The following GLDN variants were observed in gnomAD, a reference collection of about 807,000 sequenced individuals.
GLDN encodes collomin.
GLDN carries 47 observed loss-of-function variants against 56.5 expected under a neutral mutation model. That is an observed-to-expected ratio of 0.83 (90% confidence interval 0.66 to 1.06). GLDN has a LOEUF of 1.06. Among genes scored for constraint, GLDN ranks in the 50% least tolerant of loss-of-function variants. GLDN has a pLI of 0.00. For missense variants in GLDN, 782 were observed against 714.3 expected (o/e 1.09, Z -1.08); for synonymous variants, 332 against 278.8 (o/e 1.19, Z -1.90).
intron 2 of GLDN, among the ~76,000 whole-genome samples, chr15:51,382,276 GCT>G (rs1166886285): frequency 6.6e-6 from 1 of 152,066 alleles, no homozygotes; most frequent in Non-Finnish European, 1.5e-5. Flanking sequence ...CTTCACTGTA[GCT>G]CTCTCATACT....
At chr15:51,386,399 G>A (rs753035292) in intron 4 of GLDN, among the ~76,000 whole-genome samples, 6 of 152,088 alleles carry the variant, frequency 3.9e-5, no homozygotes, top group Non-Finnish European at 7.4e-5. Context: ...CTGAGGCCCC[G>A]AGGCTGCACT....
chr15:51,386,422 C>A (rs1021501929), intron 4 of GLDN, among the ~76,000 whole-genome samples: 1 of 152,162 alleles, frequency 6.6e-6, no homozygotes, highest in Non-Finnish European at 1.5e-5. Flanking sequence ...CCCTCCTCAC[C>A]CACTCCTGAG....
At chr15:51,343,897 C>G (rs1158510494) in intron 1 of GLDN, among the ~76,000 whole-genome samples, 1 of 152,224 alleles carries the variant, frequency 6.6e-6, no homozygotes, top group Non-Finnish European at 1.5e-5. Flanking sequence ...TAGAAGTCCT[C>G]TGACCCTCAT....
chr15:51,404,207 G>A, intron 9 of GLDN, 70 bp from the exon 10 acceptor site: 1 of 1,202,796 alleles, frequency 8.3e-7, no homozygotes, highest in Non-Finnish European at 1.2e-6. Context: ...GTTTAATAGA[G>A]GAGCCTAATA....
chr15:51,406,219 A>G lies in GLDN; in HGVS notation c.*1465A>G, dbSNP rs2141142602. On this transcript the variant is annotated 3_prime_UTR_variant, in exon 10 of 10. Coordinates refer to ENST00000335449, the MANE Select transcript of GLDN (RefSeq NM_181789.4). ...CTGGTCCCCTTGGATGCCAGGAGAG[A>G]ATCCAGTTGAACTTGCTCCTAAATG... is the stretch of plus-strand genomic sequence containing the variant. 6.6e-6 allele frequency: 1 copy of G among 152,300 alleles called. No homozygotes were observed. The highest frequency in any genetic ancestry group is 1.5e-5 in the Non-Finnish European group (1 of 68,028). 9.4% of individuals were successfully genotyped at this position (152,300 alleles called of 1,614,324 possible). A position where few individuals can be genotyped will look rare whatever the true frequency, so the allele number is the denominator to read the frequency against.
intron 6 of GLDN, among the ~76,000 whole-genome samples, chr15:51,399,463 C>T (rs189379767): frequency 3.5e-4 from 54 of 152,302 alleles, no homozygotes; most frequent in African/African-American, 1.2e-3. Context: ...TAAGGCACCT[C>T]TTCACCAAAG....
intron 4 of GLDN, 155 bp downstream of exon 4, chr15:51,384,047 G>A (rs1595826913): frequency 1.4e-6 from 1 of 702,258 alleles, no homozygotes; most frequent in African/African-American, 1.8e-5. Flanking sequence ...TGCGTTCCGG[G>A]ATACCAAGGG....
Position 51,404,072 on chromosome 15 carries a change from A to G in GLDN, c.1179-205A>G, listed in dbSNP as rs181429600. Among the ~76,000 whole-genome samples, 541 of 152,268 alleles carry G rather than the reference A, an allele frequency of 3.6e-3. 4 individuals carry two copies. The highest frequency in any genetic ancestry group is 0.012 in the Admixed American group (187 of 15,304). Reference sequence around the variant, plus strand: ...GTCTCCCTGTTGCCTCTGCTAGCACAGCCAGTCATTGTCTCTTACAGCCTC... The same window carrying G: ...GTCTCCCTGTTGCCTCTGCTAGCACGGCCAGTCATTGTCTCTTACAGCCTC... On this transcript the variant is annotated intron_variant, in intron 9 of 9. Coordinates refer to ENST00000335449, the MANE Select transcript of GLDN (RefSeq NM_181789.4).
chr15:51,403,626 T>C (rs1203022355), intron 9 of GLDN, among the ~76,000 whole-genome samples: 1 of 152,226 alleles, frequency 6.6e-6, no homozygotes, highest in African/African-American at 2.4e-5. Flanking sequence ...CATAGTTTAA[T>C]GTATCCAGCC....
In GLDN at chr15:51,383,371, CG is replaced by C. The variant is rs529645567; in HGVS notation, c.416-60del. On this transcript the variant is annotated intron_variant, in intron 2 of 9. Transcript: ENST00000335449. ...GTAGATAATTAGGAGATTTGAAGGT[CG>C]GGGGTGCTCTTTGTTTTCTGGGTTC... The C allele has an allele frequency of 3.1e-4, 479 of 1,544,432 alleles. 2 individuals carry two copies. The African/African-American group carries it at 5.6e-3, about 18-fold the overall frequency.
intron 4 of GLDN, chr15:51,385,491 C>T (rs888588869): frequency 6.6e-6 from 1 of 152,218 alleles, no homozygotes; most frequent in African/African-American, 2.4e-5. Flanking sequence ...CCCCCTCCTC[C>T]ACCTTCACGA....
chr15:51,402,384 G>A (rs1273076815), intron 9 of GLDN, among the ~76,000 whole-genome samples: 2 of 152,244 alleles, frequency 1.3e-5, no homozygotes, highest in Non-Finnish European at 2.9e-5. Flanking sequence ...GGAGGCAGAA[G>A]CAGGTCATCT....
chr15:51,374,922 G>A (rs919792714), intron 1 of GLDN, among the ~76,000 whole-genome samples: 2 of 151,714 alleles, frequency 1.3e-5, no homozygotes, highest in Middle Eastern at 3.4e-3. Flanking sequence ...TTTTTTCATG[G>A]AGAAAGGGTC....
At chr15:51,400,643 T>C (rs560880760) in intron 8 of GLDN, 145 bp downstream of exon 8, 1 of 958,496 alleles carries the variant, frequency 1.0e-6, no homozygotes, top group African/African-American at 1.6e-5. Context: ...GAAAGACCAA[T>C]AAGTGGGCAG....
intron 1 of GLDN, among the ~76,000 whole-genome samples, chr15:51,369,443 G>C (rs2037471581): frequency 6.6e-6 from 1 of 152,214 alleles, no homozygotes; most frequent in South Asian, 2.1e-4. Flanking sequence ...GAGAACTTCA[G>C]AGAAACCATG....
At chr15:51,343,093 C>A (rs2036915227) in intron 1 of GLDN, among the ~76,000 whole-genome samples, 1 of 152,214 alleles carries the variant, frequency 6.6e-6, no homozygotes, top group African/African-American at 2.4e-5. Context: ...TCGGCTATTA[C>A]CTCCAGTCAA....
At chr15:51,401,118 C>A (rs2038240023) in intron 8 of GLDN, among the ~76,000 whole-genome samples, 1 of 152,172 alleles carries the variant, frequency 6.6e-6, no homozygotes. Context: ...TTCATCAAGG[C>A]CAGTTATTCA....
chr15:51,366,582 G>A (rs2037406308), intron 1 of GLDN, among the ~76,000 whole-genome samples: 1 of 152,242 alleles, frequency 6.6e-6, no homozygotes. Flanking sequence ...GTCAAACTGA[G>A]CTGGTGATTA....
chr15:51,363,335 C>T (rs2037338850), intron 1 of GLDN, among the ~76,000 whole-genome samples: 1 of 152,160 alleles, frequency 6.6e-6, no homozygotes, highest in Non-Finnish European at 1.5e-5. Flanking sequence ...AATCAATCAA[C>T]TGTATTGTGA....
Sources: allele counts gnomAD v4.1 joint callset (sites outside exome capture counted in the v4.1 genomes callset), GRCh38; gene constraint gnomAD v4.1.1; transcripts MANE v1.5; gene names NCBI Gene and HGNC (gene_info 2026-07-23, HGNC 2026-07-21).